The following GLB1 variants were observed in gnomAD, a reference collection of about 807,000 sequenced individuals.
GLB1 encodes the protein beta-galactosidase.
GLB1 carries 56 observed loss-of-function variants against 74.0 expected under a neutral mutation model. The observed-to-expected ratio is 0.76, with a 90% confidence interval of 0.61 to 0.94. GLB1 has a LOEUF of 0.94. GLB1 is among the 40% of genes least tolerant of loss of function. The pLI is 0.00. For synonymous variants in GLB1, 323 were observed against 323.6 expected (o/e 1.00, Z 0.02); for missense variants, 787 against 845.5 (o/e 0.93, Z 0.86).
chr3:33,074,194 T>A (rs1252272701), intron 1 of GLB1, among the ~76,000 whole-genome samples: 1 of 129,358 alleles, frequency 7.7e-6, no homozygotes, highest in Non-Finnish European at 1.6e-5. Context: ...AAAAAAAAAA[T>A]AGCTACTCGG....
intron 13 of GLB1, among the ~76,000 whole-genome samples, 142 bp downstream of exon 13, chr3:33,018,285 CAAAAAAAAAAAAAAAAAAAAA>C (rs57833238): frequency 4.8e-4 from 20 of 41,992 alleles, no homozygotes; most frequent in African/African-American, 1.8e-3. Context: ...AACCCTGTCT[CAAAAAAAAAAAAAAAAAAAAA>C]AAAAAAAAAA....
chr3:33,045,593 T>C (rs1698708045), intron 10 of GLB1: 1 of 991,014 alleles, frequency 1.0e-6, no homozygotes, highest in Admixed American at 5.6e-5. Flanking sequence ...AACTTACTTT[T>C]TTCAGATGAT....
chr3:33,096,686 C>A, intron 1 of GLB1: 5 of 1,161,312 alleles, frequency 4.3e-6, no homozygotes, highest in Admixed American at 5.1e-5. Flanking sequence ...AATCCCCTCC[C>A]GGAAAGCCAA....
intron 1 of GLB1, among the ~76,000 whole-genome samples, chr3:33,076,692 T>C (rs781263040): frequency 2.0e-5 from 3 of 152,134 alleles, no homozygotes; most frequent in East Asian, 3.8e-4. Context: ...TTAAGAGATA[T>C]ATCAATTTAA....
chr3:33,073,382 G>A (rs1223234004), intron 1 of GLB1, among the ~76,000 whole-genome samples: 2 of 152,278 alleles, frequency 1.3e-5, no homozygotes, highest in East Asian at 3.9e-4. Flanking sequence ...GTGGCAATAA[G>A]CATCTTTTAA....
In GLB1 at chr3:33,093,322, G is replaced by A. The variant is rs1248423385; in HGVS notation, c.75+3689C>T. On this transcript the variant is annotated intron_variant, in intron 1 of 15. Transcript: ENST00000307363. This position sits in a 1 kb window ranked among gnomAD's most constrained non-coding sequence, Gnocchi z 6.0. ...AGAGGCTGGACATGCAGGGATTCCA[G>A]AAGTGCAAACCAGTTGCTGACATCT... The A allele has an allele frequency of 4.3e-6, 7 of 1,614,068 alleles. No individual in the cohort carries two copies. Among genetic ancestry groups the A allele is most frequent in the Non-Finnish European group, 5.9e-6 (7 of 1,180,044 alleles).
At chr3:32,965,332 C>T in the GLB1 span, among the ~76,000 whole-genome samples, 2 of 152,104 alleles carry the variant, frequency 1.3e-5, no homozygotes, top group Non-Finnish European at 2.9e-5. Context: ...CAATAAAGCC[C>T]AGATTGAGGT....
chr3:33,064,776 C>CAAAA (rs36181668), intron 5 of GLB1, among the ~76,000 whole-genome samples: 9,943 of 64,080 alleles, frequency 0.16, 1,684 homozygotes, highest in Admixed American at 0.18. Context: ...GACTCTCTCT[C>CAAAA]AAAAAAAAAA....
the GLB1 span, among the ~76,000 whole-genome samples, chr3:32,988,185 CA>C: frequency 0.13 from 8,043 of 60,248 alleles, 110 homozygotes; most frequent in Middle Eastern, 0.19. Flanking sequence ...GACTCCATCT[CA>C]AAAAAAAAAA....
chr3:32,992,963 C>T (rs1696248683), downstream of GLB1, among the ~76,000 whole-genome samples: 1 of 152,232 alleles, frequency 6.6e-6, no homozygotes, highest in Non-Finnish European at 1.5e-5. Flanking sequence ...CCACCTGGCC[C>T]CACTGTCTGG....
chr3:33,080,382 A>G (rs1407830580), intron 1 of GLB1, among the ~76,000 whole-genome samples: 1 of 152,174 alleles, frequency 6.6e-6, no homozygotes, highest in African/African-American at 2.4e-5. Flanking sequence ...CCTGGTCTTT[A>G]AAAGTTTTTA....
chr3:33,080,621 G>A (rs575875863), intron 1 of GLB1, among the ~76,000 whole-genome samples: 7 of 152,308 alleles, frequency 4.6e-5, no homozygotes, highest in Non-Finnish European at 4.4e-5. Flanking sequence ...GCATTCTCTT[G>A]TTTTTTAGGC....
intron 6 of GLB1, 148 bp downstream of exon 6, chr3:33,057,941 C>A: frequency 9.3e-7 from 1 of 1,072,936 alleles, no homozygotes; most frequent in Non-Finnish European, 1.4e-6. Context: ...CTGAGGGGTG[C>A]AAGTATTCTA....
At chr3:33,020,568 T>A (rs1191815574) in intron 12 of GLB1, among the ~76,000 whole-genome samples, 1 of 152,150 alleles carries the variant, frequency 6.6e-6, no homozygotes, top group Non-Finnish European at 1.5e-5. Flanking sequence ...CACCCCGACC[T>A]TTTCAAAAAT....
At chr3:33,015,094 T>C (rs115339003) in intron 14 of GLB1, among the ~76,000 whole-genome samples, 3 of 152,162 alleles carry the variant, frequency 2.0e-5, no homozygotes, top group Non-Finnish European at 4.4e-5. Flanking sequence ...AGACAGAGGT[T>C]GCAGTAAGCC....
At position 33,024,261 on chromosome 3, in the gene GLB1, G is replaced by A; in HGVS notation, c.1133C>T (p.Thr378Ile). The A allele has an allele frequency of 6.2e-7, 1 of 1,612,440 alleles. No individual in the cohort carries two copies. Among genetic ancestry groups the A allele is most frequent in the Admixed American group, 1.7e-5 (1 of 59,932 alleles). Reference sequence around the variant, plus strand: ...ATTTTTTTTTCTTACCTTTTCCAAAGTGACCTTTCCATATGCAAACTTTGG... The same window carrying A: ...ATTTTTTTTTCTTACCTTTTCCAAAATGACCTTTCCATATGCAAACTTTGG... Reference protein sequence around the residue: ...STPKFAYGKVTLEKLKTVGAA... With the variant: ...STPKFAYGKVILEKLKTVGAA... Residue 378 changes from threonine (T) to isoleucine (I), a missense_variant, in exon 11 of 16, where the codon ACT becomes ATT. Coordinates refer to ENST00000307363, the MANE Select transcript of GLB1 (RefSeq NM_000404.4).
At chr3:32,977,198 C>T in the GLB1 span, among the ~76,000 whole-genome samples, 42 of 146,190 alleles carry the variant, frequency 2.9e-4, no homozygotes, top group African/African-American at 1.0e-3. Context: ...TAAAGACAAA[C>T]CTCATCTAGA....
the GLB1 span, among the ~76,000 whole-genome samples, chr3:32,961,529 G>A: frequency 6.6e-6 from 1 of 152,190 alleles, no homozygotes; most frequent in Non-Finnish European, 1.5e-5. Flanking sequence ...ATTTGCAGGA[G>A]GCAGACAGTC....
intron 4 of GLB1, among the ~76,000 whole-genome samples, chr3:33,066,145 G>A (rs1189085360): frequency 6.6e-6 from 1 of 152,160 alleles, no homozygotes; most frequent in Non-Finnish European, 1.5e-5. Flanking sequence ...CTCCTCAGGG[G>A]ACGAGGACCA....
Sources: allele counts gnomAD v4.1 joint callset (sites outside exome capture counted in the v4.1 genomes callset), GRCh38; gene constraint gnomAD v4.1.1; non-coding constraint Gnocchi (gnomAD v3.1); transcripts MANE v1.5; gene names NCBI Gene and HGNC (gene_info 2026-07-23, HGNC 2026-07-21).